Variants in TLCD4 observed in about 807,000 individuals in gnomAD.
TLCD4 encodes TLC domain-containing protein 4.
Under a neutral mutation model 24.2 loss-of-function variants are expected in TLCD4, and 7 were observed. The observed-to-expected ratio is 0.29, with a 90% CI of 0.16 to 0.54. The LOEUF is 0.54. Among genes scored for constraint, TLCD4 ranks in the 20% least tolerant of loss-of-function variants. The probability of loss-of-function intolerance (pLI) is 0.95; values close to 1 mark genes in which losing one functional copy is unlikely to be tolerated. For synonymous variants in TLCD4, 103 were observed against 106.4 expected (o/e 0.97, Z 0.20); for missense variants, 259 against 313.9 (o/e 0.82, Z 1.32).
chr1:95,106,928 C>T, the TLCD4 span, among the ~76,000 whole-genome samples: 1 of 152,016 alleles, frequency 6.6e-6, no homozygotes, highest in African/African-American at 2.4e-5. Context: ...CTGTCATTTT[C>T]GATGCTTCTG....
chr1:95,138,821 C>A (rs1677117501), intron 1 of TLCD4, among the ~76,000 whole-genome samples: 1 of 151,324 alleles, frequency 6.6e-6, no homozygotes, highest in Admixed American at 6.6e-5. Context: ...ATGGTGTAGA[C>A]AGATGCTACA....
At chr1:95,114,246 T>C (rs58124882), upstream of TLCD4, among the ~76,000 whole-genome samples, 4,394 of 152,212 alleles carry the variant, frequency 0.029, 85 homozygotes, top group East Asian at 0.058. Context: ...TAAACACTTA[T>C]AAAACTACAA....
At chr1:95,161,210 C>T (rs1677788247) in intron 5 of TLCD4, among the ~76,000 whole-genome samples, 1 of 152,146 alleles carries the variant, frequency 6.6e-6, no homozygotes. Flanking sequence ...AGGGATTCAA[C>T]TTCTTCCTGG....
Position 95,191,719 on chromosome 1 carries a change from A to T in TLCD4, c.643A>T (p.Ile215Phe), listed in dbSNP as rs749994768. 1 of 1,614,130 alleles carries T rather than the reference A, an allele frequency of 6.2e-7. No homozygotes were observed. The highest frequency in any genetic ancestry group is 1.7e-5 in the Admixed American group (1 of 60,030). ...ACCCTACATAAGGCTTGGAGTTTTA[A>T]TCCAGTTATCCTGGGTCATTAGTTG... ...TEPYIRLGVL[I>F]QLSWVISCVV... Residue 215 changes from isoleucine to phenylalanine, a missense_variant, in exon 7 of 7, where the codon ATC becomes TTC. By Grantham distance (21) the Ile-to-Phe change is conservative. Transcript: ENST00000370203.
chr1:95,191,513 C>T (rs1571795289), intron 6 of TLCD4, 37 bp from the exon 7 acceptor site: 1 of 1,565,098 alleles, frequency 6.4e-7, no homozygotes, highest in Non-Finnish European at 8.6e-7. Context: ...CTCAGAGATG[C>T]ACTATAAATG....
At chr1:95,097,786 G>A in the TLCD4 span, among the ~76,000 whole-genome samples, 1 of 152,152 alleles carries the variant, frequency 6.6e-6, no homozygotes, top group Non-Finnish European at 1.5e-5. Context: ...AGGGACACAA[G>A]AAATAGTTGA....
At chr1:95,129,534 G>C (rs976830174) in intron 1 of TLCD4, among the ~76,000 whole-genome samples, 8 of 152,212 alleles carry the variant, frequency 5.3e-5, no homozygotes, top group African/African-American at 1.7e-4. Flanking sequence ...CTGAGGTCAA[G>C]AGTTCGAGAC....
intron 1 of TLCD4, among the ~76,000 whole-genome samples, chr1:95,123,604 G>C (rs1001067172): frequency 6.6e-6 from 1 of 152,168 alleles, no homozygotes; most frequent in African/African-American, 2.4e-5. Context: ...ACCCTGGCTA[G>C]TTTCACTCCT....
At chr1:95,151,290 T>C in intron 4 of TLCD4, 35 bp from the exon 5 acceptor site, 1 of 1,605,198 alleles carries the variant, frequency 6.2e-7, no homozygotes, top group East Asian at 2.2e-5. Flanking sequence ...AACTTTCTTC[T>C]TATGTAATAC....
intron 5 of TLCD4, among the ~76,000 whole-genome samples, chr1:95,153,434 A>G (rs1370586193): frequency 6.6e-6 from 1 of 152,210 alleles, no homozygotes; most frequent in Non-Finnish European, 1.5e-5. Context: ...TCCTAACTAT[A>G]AACTGAAACA....
intron 1 of TLCD4, among the ~76,000 whole-genome samples, chr1:95,142,291 CTTTTTTTT>C (rs33917874): frequency 2.6e-5 from 3 of 116,794 alleles, no homozygotes; most frequent in Non-Finnish European, 3.6e-5. Context: ...TTATAAAAAT[CTTTTTTTT>C]TTTTTTTTTT....
the TLCD4 span, among the ~76,000 whole-genome samples, chr1:95,104,031 C>T: frequency 4.6e-5 from 7 of 152,256 alleles, no homozygotes; most frequent in African/African-American, 1.7e-4. Flanking sequence ...TATCAACAAA[C>T]CAGAGGGCTT....
the TLCD4 span, among the ~76,000 whole-genome samples, chr1:95,110,886 G>T: frequency 1.4e-5 from 2 of 144,872 alleles, no homozygotes; most frequent in Non-Finnish European, 3.0e-5. Flanking sequence ...AAAAAAAAAG[G>T]ATCTAAAAGT....
intron 2 of TLCD4, among the ~76,000 whole-genome samples, chr1:95,145,026 G>A (rs1328439766): frequency 6.6e-6 from 1 of 152,166 alleles, no homozygotes; most frequent in Non-Finnish European, 1.5e-5. Flanking sequence ...TTTTTTGTGT[G>A]TGTACAACTT....
chr1:95,141,360 G>T (rs1677191323), intron 1 of TLCD4, among the ~76,000 whole-genome samples: 1 of 152,094 alleles, frequency 6.6e-6, no homozygotes, highest in Non-Finnish European at 1.5e-5. Flanking sequence ...TGAAATAAAT[G>T]CTTTGTATAC....
rs1230733509 is a variant in TLCD4 at position 95,159,738 on chromosome 1, C to G, written c.399+8319C>G. On this transcript the variant is annotated intron_variant, in intron 5 of 6. Transcript: ENST00000370203. ...TTTCTACATGTGGCTAGCCAGTTTTCCCAGCACCATTTATTAAATAGGGAA... is the reference window on the plus strand; with the variant it reads ...TTTCTACATGTGGCTAGCCAGTTTTGCCAGCACCATTTATTAAATAGGGAA... 2.0e-5 allele frequency among the ~76,000 whole-genome samples: 3 copies of G among 152,160 alleles called. No individual in the cohort carries two copies. In the East Asian group the frequency reaches 5.8e-4, roughly 29 times the overall value.
At chr1:95,108,945 G>A in the TLCD4 span, among the ~76,000 whole-genome samples, 1 of 152,060 alleles carries the variant, frequency 6.6e-6, no homozygotes, top group Admixed American at 6.6e-5. Flanking sequence ...TGGTAAACTT[G>A]TTTGTTTATT....
chr1:95,130,157 A>T (rs1676848610), intron 1 of TLCD4, among the ~76,000 whole-genome samples: 1 of 151,048 alleles, frequency 6.6e-6, no homozygotes, highest in African/African-American at 2.4e-5. Context: ...TATTTTATTT[A>T]ATTTATTTTT....
rs538738964 is a variant in TLCD4, at chr1:95,174,428, TG to T, written c.473+542del. Reference sequence around the variant, plus strand: ...CTCACGTCTATAAATCCCAGCACTTTGGGAGGTTGAGGCAGGAGGATTGCTT... The same window carrying T: ...CTCACGTCTATAAATCCCAGCACTTTGGAGGTTGAGGCAGGAGGATTGCTT... On this transcript the variant is annotated intron_variant, in intron 6 of 6. Transcript: ENST00000370203. 3.3e-5 allele frequency among the ~76,000 whole-genome samples: 5 copies of T among 149,432 alleles called. No individual in the cohort carries two copies. In the South Asian group the frequency reaches 1.1e-3, roughly 32 times the overall value.
Sources: gnomAD v4.1 joint callset for allele counts (sites outside exome capture counted in the v4.1 genomes callset) on GRCh38, gnomAD v4.1.1 for gene constraint, MANE v1.5 for transcripts, NCBI Gene and HGNC (gene_info 2026-07-23, HGNC 2026-07-21) for gene names.